Variants in CACNB2 observed in about 807,000 individuals in gnomAD.
The protein encoded by CACNB2 is calcium voltage-gated channel auxiliary subunit beta 2, also known as voltage-dependent L-type calcium channel subunit beta-2.
Under a neutral mutation model 73.3 loss-of-function variants are expected in CACNB2, and 42 were observed. The ratio of observed to expected loss-of-function variants is 0.57; its 90% CI spans 0.45 to 0.74. The LOEUF is 0.74. Among genes scored for constraint, CACNB2 ranks in the 30% least tolerant of loss-of-function variants. CACNB2 has a pLI of 0.00. For missense variants in CACNB2, 940 were observed against 853.0 expected (o/e 1.10, Z -1.27); for synonymous variants, 348 against 310.3 (o/e 1.12, Z -1.28).
intron 2 of CACNB2, among the ~76,000 whole-genome samples, chr10:18,367,761 A>G (rs1479597902): frequency 1.3e-5 from 2 of 152,202 alleles, no homozygotes; most frequent in African/African-American, 4.8e-5. Context: ...AGAGTTAGGG[A>G]TACATTTTTG....
In CACNB2 at chr10:18,401,990, G is replaced by A. The variant is rs1399484304; in HGVS notation, c.280G>A (p.Ala94Thr). Residue 94 changes from alanine to threonine, a missense_variant, in exon 3 of 14, where the codon GCA becomes ACA. Transcript: ENST00000324631. ...TGTATCTCTGGAGGAGGACCGGGAG[G>A]CAGTGCGCAGAGAAGCGGAGCGGCA... ...SDVSLEEDRE[A>T]VRREAERQAQ... 7 of 1,614,078 alleles carry A rather than the reference G, an allele frequency of 4.3e-6. No individual in the cohort carries two copies. The South Asian group carries it at 7.7e-5, about 18-fold the overall frequency.
chr10:18,391,606 C>T (rs933161921), intron 2 of CACNB2, among the ~76,000 whole-genome samples: 5 of 151,934 alleles, frequency 3.3e-5, no homozygotes, highest in South Asian at 2.1e-4. Flanking sequence ...TAAACAATAT[C>T]GTAAGTAAAT....
chr10:18,462,057 T>C (rs527529433), intron 3 of CACNB2, among the ~76,000 whole-genome samples: 2 of 152,116 alleles, frequency 1.3e-5, no homozygotes, highest in Non-Finnish European at 2.9e-5. Flanking sequence ...ATCGGTACTG[T>C]GTTTTGCTCA....
chr10:18,485,588 G>T (rs2049015830), intron 3 of CACNB2, among the ~76,000 whole-genome samples: 1 of 137,884 alleles, frequency 7.3e-6, no homozygotes, highest in African/African-American at 2.8e-5. Flanking sequence ...CTGAGATGGA[G>T]CCTCATTGTG....
chr10:18,415,054 T>G (rs2044866674), intron 3 of CACNB2, among the ~76,000 whole-genome samples: 3 of 152,194 alleles, frequency 2.0e-5, no homozygotes. Flanking sequence ...CGAGTTGGAA[T>G]TTAAGGAAGG....
chr10:18,173,833 T>C (rs750048018), intron 2 of CACNB2, among the ~76,000 whole-genome samples: 44 of 152,344 alleles, frequency 2.9e-4, no homozygotes, highest in Non-Finnish European at 5.3e-4. Flanking sequence ...TTTAAAATGC[T>C]TGGCCATTTA....
chr10:18,473,049 A>C (rs1004670121), intron 3 of CACNB2, among the ~76,000 whole-genome samples: 1 of 152,206 alleles, frequency 6.6e-6, no homozygotes, highest in Non-Finnish European at 1.5e-5. Context: ...GGTGCAGCCA[A>C]ATTTGCATTG....
intron 2 of CACNB2, among the ~76,000 whole-genome samples, chr10:18,197,230 A>T (rs539439508): frequency 6.6e-6 from 1 of 152,188 alleles, no homozygotes; most frequent in Non-Finnish European, 1.5e-5. Flanking sequence ...CACAGGGAAC[A>T]CTCAGTAAAT....
intron 3 of CACNB2, among the ~76,000 whole-genome samples, chr10:18,428,217 T>A (rs1414867415): frequency 6.6e-6 from 1 of 152,208 alleles, no homozygotes; most frequent in Non-Finnish European, 1.5e-5. Context: ...GCTCTTTTTT[T>A]TATTTTTTTA....
At chr10:18,262,435 A>T (rs568168468) in intron 2 of CACNB2, among the ~76,000 whole-genome samples, 1 of 152,340 alleles carries the variant, frequency 6.6e-6, no homozygotes, top group Non-Finnish European at 1.5e-5. Context: ...TGCAGTTGTT[A>T]CATATTTGGT....
chr10:18,491,522 A>G (rs1205357066), intron 3 of CACNB2, among the ~76,000 whole-genome samples: 1 of 152,174 alleles, frequency 6.6e-6, no homozygotes, highest in Non-Finnish European at 1.5e-5. Context: ...TAGGAGGTTG[A>G]GGCTACAGTG....
chr10:18,301,631 T>C (rs566390971), intron 2 of CACNB2, among the ~76,000 whole-genome samples: 6 of 145,214 alleles, frequency 4.1e-5, no homozygotes, highest in Non-Finnish European at 7.5e-5. Flanking sequence ...GTAAATCCAC[T>C]AAGCCTTTCT....
intron 3 of CACNB2, among the ~76,000 whole-genome samples, chr10:18,487,666 C>T (rs1227306233): frequency 6.6e-6 from 1 of 151,994 alleles, no homozygotes; most frequent in Non-Finnish European, 1.5e-5. Flanking sequence ...GAAACCCTGT[C>T]TCTGCTAAAA....
rs147509760 is a variant in CACNB2, at chr10:18,181,562, T to TTTTTATTTTATTTTATTTTATTTTA, written c.213+30632_213+30656dup. On this transcript the variant is annotated intron_variant, in intron 2 of 13. Coordinates refer to ENST00000324631, the MANE Select transcript of CACNB2 (RefSeq NM_201596.3). ...AGAGTTTTGAAATTTGAGGATAACT[T>TTTTTATTTTATTTTATTTTATTTTA]TTTTATTTTATTTTATTTTATTTTA... 7.2e-3 allele frequency among the ~76,000 whole-genome samples: 823 copies of TTTTTATTTTATTTTATTTTATTTTA among 113,560 alleles called. 22 individuals carry two copies. Among genetic ancestry groups the TTTTTATTTTATTTTATTTTATTTTA allele is most frequent in the Non-Finnish European group, 9.7e-3 (537 of 55,244 alleles). The allele number at this position is 113,560 out of a possible 152,430, so 74.5% of individuals were successfully genotyped here. A position where few individuals can be genotyped will look rare whatever the true frequency, so the allele number is the denominator to read the frequency against.
intron 1 of CACNB2, 27 bp from the exon 2 acceptor site, chr10:18,150,856 T>A (rs1370656943): frequency 5.0e-5 from 11 of 219,782 alleles, no homozygotes; most frequent in East Asian, 3.6e-4. Flanking sequence ...CTTATTTGTC[T>A]TTTTTTTTTT....
chr10:18,266,610 C>T (rs940883698), intron 2 of CACNB2, among the ~76,000 whole-genome samples: 3 of 151,880 alleles, frequency 2.0e-5, no homozygotes, highest in Non-Finnish European at 4.4e-5. Flanking sequence ...GTGAGCGGGC[C>T]GGGCACGGTG....
intron 9 of CACNB2, among the ~76,000 whole-genome samples, chr10:18,524,435 C>A (rs1170714550): frequency 6.6e-6 from 1 of 151,032 alleles, no homozygotes; most frequent in Non-Finnish European, 1.5e-5. Context: ...GCAGGCAGAT[C>A]ACTTGAGGCC....
chr10:18,306,249 A>G (rs1452842362), intron 2 of CACNB2, among the ~76,000 whole-genome samples: 1 of 152,174 alleles, frequency 6.6e-6, no homozygotes, highest in Non-Finnish European at 1.5e-5. Context: ...AGAAGGAGGA[A>G]GTATGGCCAC....
intron 2 of CACNB2, among the ~76,000 whole-genome samples, chr10:18,396,859 G>A (rs902145698): frequency 2.0e-5 from 3 of 152,096 alleles, no homozygotes; most frequent in Non-Finnish European, 4.4e-5. Context: ...ATGAGGAGGT[G>A]GTCTAAAATC....
Sources: allele counts gnomAD v4.1 joint callset (sites outside exome capture counted in the v4.1 genomes callset), GRCh38; gene constraint gnomAD v4.1.1; transcripts MANE v1.5; gene names NCBI Gene and HGNC (gene_info 2026-07-23, HGNC 2026-07-21).